NRG3: variants seen among roughly 807,000 people sequenced by gnomAD.
The protein encoded by NRG3 is pro-neuregulin-3, membrane-bound isoform.
A neutral mutation model predicts 66.9 loss-of-function variants in NRG3; 31 were observed. The ratio of observed to expected loss-of-function variants is 0.46; its 90% CI spans 0.35 to 0.63. NRG3 has a LOEUF of 0.63. NRG3 is among the 20% of genes least tolerant of loss of function. The probability of loss-of-function intolerance (pLI) is 0.00; values close to 1 mark genes in which losing one functional copy is unlikely to be tolerated. For synonymous variants in NRG3, 393 were observed against 359.4 expected (o/e 1.09, Z -1.06); for missense variants, 910 against 878.9 (o/e 1.04, Z -0.45).
chr10:82,934,292 A>G (rs1847864123), intron 4 of NRG3, among the ~76,000 whole-genome samples: 1 of 152,206 alleles, frequency 6.6e-6, no homozygotes, highest in Admixed American at 6.5e-5. Context: ...TAAATACTCT[A>G]CATACTTTTT....
intron 2 of NRG3, among the ~76,000 whole-genome samples, chr10:82,502,220 G>C (rs796625981): frequency 6.6e-6 from 1 of 152,132 alleles, no homozygotes; most frequent in Non-Finnish European, 1.5e-5. Context: ...TCTAGAGTGA[G>C]CTTGCCAGGT....
chr10:82,035,659 A>T (rs550153425), intron 1 of NRG3, among the ~76,000 whole-genome samples: 1 of 152,132 alleles, frequency 6.6e-6, no homozygotes, highest in Non-Finnish European at 1.5e-5. Context: ...TTTAAGGGAT[A>T]TATAAAAAAT....
rs1344163990 is a variant in NRG3, at chr10:81,930,897, TG to T, written c.823+54736del. On this transcript the variant is annotated intron_variant, in intron 1 of 8. Transcript: ENST00000372141. ...CATCTATAAGTTGCTGGGGTCTGTCTGGAACTGGTTCCAGCTGACTAGGTGA... is the reference window on the plus strand; with the variant it reads ...CATCTATAAGTTGCTGGGGTCTGTCTGAACTGGTTCCAGCTGACTAGGTGA... Among the ~76,000 whole-genome samples the T allele has an allele frequency of 9.2e-5, 14 of 152,298 alleles. No individual in the cohort carries two copies. In the East Asian group the frequency reaches 2.5e-3, roughly 27 times the overall value.
At chr10:82,980,100 G>A (rs1324791429) in intron 8 of NRG3, among the ~76,000 whole-genome samples, 1 of 152,018 alleles carries the variant, frequency 6.6e-6, no homozygotes, top group Non-Finnish European at 1.5e-5. Flanking sequence ...AGCTGCTTGG[G>A]AGGCTGAGGT....
At chr10:82,725,014 G>C (rs1191052411) in intron 2 of NRG3, among the ~76,000 whole-genome samples, 12 of 152,138 alleles carry the variant, frequency 7.9e-5, no homozygotes. Context: ...TTTCCAAAAA[G>C]GACATTACCA....
chr10:82,677,660 C>T (rs2053812120), intron 2 of NRG3, among the ~76,000 whole-genome samples: 2 of 152,108 alleles, frequency 1.3e-5, no homozygotes, highest in South Asian at 2.1e-4. Flanking sequence ...AATACTACCT[C>T]AATTCTTGAT....
At chr10:82,375,012 T>G (rs1331581031) in intron 2 of NRG3, among the ~76,000 whole-genome samples, 1 of 152,228 alleles carries the variant, frequency 6.6e-6, no homozygotes, top group Admixed American at 6.5e-5. Context: ...GCCAACTGTT[T>G]CCACAGGTTT....
rs1035484538 is a variant in NRG3, at chr10:82,986,481, G to A, written c.*876G>A. 6 of 152,228 alleles carry A rather than the reference G, an allele frequency of 3.9e-5. No homozygotes were observed. Among genetic ancestry groups the A allele is most frequent in the Admixed American group, 1.3e-4 (2 of 15,294 alleles). The allele number at this position is 152,228 out of a possible 1,614,324, so 9.4% of individuals were successfully genotyped here. On this transcript the variant is annotated 3_prime_UTR_variant, in exon 9 of 9. Coordinates refer to ENST00000372141, the MANE Select transcript of NRG3 (RefSeq NM_001010848.4). The stretch of plus-strand genomic sequence containing the variant: ...GTGTGTGCATGTGTGCGCGTATTAC[G>A]CTTGCTAAAATTTGTTCTGAAACAT...
chr10:82,535,377 G>A (rs938357923), intron 2 of NRG3, among the ~76,000 whole-genome samples: 2 of 151,852 alleles, frequency 1.3e-5, no homozygotes, highest in African/African-American at 4.8e-5. Flanking sequence ...TATTTACGGA[G>A]CATCTCATGG....
chr10:82,860,573 A>G (rs2135915231), intron 3 of NRG3, among the ~76,000 whole-genome samples: 1 of 152,264 alleles, frequency 6.6e-6, no homozygotes, highest in South Asian at 2.1e-4. Flanking sequence ...CATTACAACA[A>G]TCTTATAAAT....
At chr10:82,375,132 C>T (rs2085133328) in intron 2 of NRG3, among the ~76,000 whole-genome samples, 1 of 152,174 alleles carries the variant, frequency 6.6e-6, no homozygotes, top group African/African-American at 2.4e-5. Flanking sequence ...GAAAAATGTT[C>T]TCTGCAGCAT....
chr10:82,062,479 G>A (rs1220398952), intron 1 of NRG3, among the ~76,000 whole-genome samples: 3 of 151,900 alleles, frequency 2.0e-5, no homozygotes, highest in Admixed American at 1.3e-4. Flanking sequence ...GGTGGTGTGC[G>A]CCTGTAGTCC....
intron 1 of NRG3, among the ~76,000 whole-genome samples, chr10:82,251,509 C>T (rs949115321): frequency 2.0e-5 from 3 of 152,154 alleles, no homozygotes; most frequent in Admixed American, 6.5e-5. Context: ...CAGTGCTGCA[C>T]TCTCCTGCCT....
intron 1 of NRG3, among the ~76,000 whole-genome samples, chr10:82,323,854 A>C (rs1395371087): frequency 1.3e-5 from 2 of 152,008 alleles, no homozygotes; most frequent in East Asian, 3.9e-4. Context: ...TTGATGTTTT[A>C]AGTATTATTT....
intron 1 of NRG3, among the ~76,000 whole-genome samples, chr10:82,250,092 A>G (rs2134087346): frequency 6.6e-6 from 1 of 152,264 alleles, no homozygotes; most frequent in Admixed American, 6.5e-5. Flanking sequence ...CCTGTTCTTG[A>G]GGTGGAATTA....
chr10:82,340,773 G>A (rs1354412445), intron 1 of NRG3: 2 of 152,116 alleles, frequency 1.3e-5, no homozygotes, highest in Non-Finnish European at 2.9e-5. Flanking sequence ...GGTGTTGGGT[G>A]CTTGCTTTGG....
chr10:82,228,524 T>A (rs1322408834), intron 1 of NRG3, among the ~76,000 whole-genome samples: 2 of 151,452 alleles, frequency 1.3e-5, no homozygotes, highest in African/African-American at 4.9e-5. Flanking sequence ...TTCCCAGGAC[T>A]TTTTTCATTT....
At chr10:82,068,097 A>G (rs2064591833) in intron 1 of NRG3, among the ~76,000 whole-genome samples, 1 of 152,194 alleles carries the variant, frequency 6.6e-6, no homozygotes, top group Non-Finnish European at 1.5e-5. Context: ...AGTGTAGAAC[A>G]ATAGAATTAT....
chr10:82,926,586 TA>T lies in NRG3; in HGVS notation c.1055-24882del, dbSNP rs1847019846. ...TCTGGGTGAGCCATCTTGTCCTGAA[TA>T]CAATTTGTAATGCCGGGTAATTACT... On this transcript the variant is annotated intron_variant, in intron 4 of 8. Coordinates refer to ENST00000372141, the MANE Select transcript of NRG3 (RefSeq NM_001010848.4). 2.6e-5 allele frequency among the ~76,000 whole-genome samples: 4 copies of T among 152,260 alleles called. No homozygotes were observed. In the South Asian group the frequency reaches 8.3e-4, roughly 32 times the overall value.
Sources: gnomAD v4.1 joint callset for allele counts (sites outside exome capture counted in the v4.1 genomes callset) on GRCh38, gnomAD v4.1.1 for gene constraint, MANE v1.5 for transcripts, NCBI Gene and HGNC (gene_info 2026-07-23, HGNC 2026-07-21) for gene names.